TIMM17A: variants seen among roughly 807,000 people sequenced by gnomAD.
TIMM17A encodes the protein mitochondrial import inner membrane translocase subunit Tim17-A.
A neutral mutation model predicts 26.5 loss-of-function variants in TIMM17A; 15 were observed. The ratio of observed to expected loss-of-function variants is 0.57; its 90% confidence interval spans 0.38 to 0.87. TIMM17A has a LOEUF of 0.87. Among genes scored for constraint, TIMM17A ranks in the 40% least tolerant of loss-of-function variants. The pLI is 0.00. For missense variants in TIMM17A, 201 were observed against 210.0 expected (o/e 0.96, Z 0.27); for synonymous variants, 80 against 70.8 (o/e 1.13, Z -0.66).
At position 201,970,651 on chromosome 1, in the gene TIMM17A, ATACT is replaced by A. The variant is rs1189951464; in HGVS notation, c.*1100_*1103del. On this transcript the variant is annotated 3_prime_UTR_variant, in exon 6 of 6. Transcript: ENST00000367287. ...ACTGTGGTAAAATATACATAAAATA[ATACT>A]TATTAACCATTTGTAAGTGTATAAT... is the stretch of plus-strand genomic sequence containing the variant. 6.6e-6 allele frequency: 1 copy of A among 152,258 alleles called. No individual in the cohort carries two copies. The highest frequency in any genetic ancestry group is 2.4e-5 in the African/African-American group (1 of 41,460). The allele number at this position is 152,258 out of a possible 1,614,324, so 9.4% of individuals were successfully genotyped here. A position where few individuals can be genotyped will look rare whatever the true frequency, so the allele number is the denominator to read the frequency against.
At chr1:201,963,444 C>T (rs913485739) in intron 3 of TIMM17A, 172 bp from the exon 4 acceptor site, 20 of 647,308 alleles carry the variant, frequency 3.1e-5, no homozygotes, top group African/African-American at 1.3e-4. Flanking sequence ...CAGCTTTATT[C>T]GAAAGATAAG....
intron 5 of TIMM17A, among the ~76,000 whole-genome samples, chr1:201,968,627 A>G (rs889840420): frequency 2.0e-5 from 3 of 151,314 alleles, no homozygotes; most frequent in African/African-American, 7.3e-5. Flanking sequence ...GCCCGCCTCA[A>G]CCTCCCAAAG....
intron 5 of TIMM17A, 73 bp from the exon 6 acceptor site, chr1:201,969,396 C>A: frequency 8.3e-7 from 1 of 1,204,200 alleles, no homozygotes; most frequent in Non-Finnish European, 1.2e-6. Flanking sequence ...GATTTACTCT[C>A]TATAGAGATT....
Position 201,963,695 on chromosome 1 carries a change from G to T in TIMM17A, c.270G>T (p.Trp90Cys), listed in dbSNP as rs780091110. 2 of 1,611,644 alleles carry T rather than the reference G, an allele frequency of 1.2e-6. No homozygotes were observed. The highest frequency in any genetic ancestry group is 2.7e-5 in the African/African-American group (2 of 74,736). ...MVQVRGKEDP[W>C]NSITSGALTG... ...AAGTCAGAGGAAAGGAAGATCCCTGGAACTCCATCACAAGTGGTGCCTTAA... is the reference window on the plus strand; with the variant it reads ...AAGTCAGAGGAAAGGAAGATCCCTGTAACTCCATCACAAGTGGTGCCTTAA... The change falls in exon 4 of 6, where the codon TGG becomes TGT. Residue 90 changes from tryptophan to cysteine, a missense_variant. Coordinates refer to ENST00000367287, the MANE Select transcript of TIMM17A (RefSeq NM_006335.3).
chr1:201,962,670 T>C (rs1349810978), intron 3 of TIMM17A: 1 of 152,104 alleles, frequency 6.6e-6, no homozygotes, highest in African/African-American at 2.4e-5. Context: ...TTAGATAGAG[T>C]TTAAGTGCAA....
At chr1:201,964,631 A>ATTTT (rs1682590110) in intron 4 of TIMM17A, among the ~76,000 whole-genome samples, 1 of 80,244 alleles carries the variant, frequency 1.2e-5, no homozygotes, top group African/African-American at 5.8e-5. Context: ...ATTTTATTTT[A>ATTTT]TTTCTTTTTT....
intron 4 of TIMM17A, 102 bp downstream of exon 4, chr1:201,963,846 C>T: frequency 7.9e-7 from 1 of 1,268,568 alleles, no homozygotes; most frequent in Non-Finnish European, 1.1e-6. Flanking sequence ...TGATTATTGA[C>T]CAGGCACATT....
chr1:201,967,041 T>A (rs1159717657), intron 5 of TIMM17A, among the ~76,000 whole-genome samples: 1 of 123,944 alleles, frequency 8.1e-6, no homozygotes, highest in Non-Finnish European at 1.7e-5. Context: ...AGGATAGTAG[T>A]AGTGAAAATT....
chr1:201,957,618 C>G (rs1012860393), intron 3 of TIMM17A, 44 bp downstream of exon 3: 1 of 1,487,266 alleles, frequency 6.7e-7, no homozygotes, highest in East Asian at 2.3e-5. Context: ...TTTTCTGTTC[C>G]TTTGAAGATG....
intron 4 of TIMM17A, 101 bp downstream of exon 4, chr1:201,963,845 A>T: frequency 7.8e-7 from 1 of 1,287,474 alleles, no homozygotes. Flanking sequence ...CTGATTATTG[A>T]CCAGGCACAT....
intron 1 of TIMM17A, 109 bp downstream of exon 1, chr1:201,955,661 G>A (rs1682396646): frequency 6.7e-7 from 1 of 1,484,898 alleles, no homozygotes; most frequent in African/African-American, 1.4e-5. Flanking sequence ...CAGCCTCGTC[G>A]ACTTGGGCCT....
At chr1:201,966,959 TTA>T (rs1002751666) in intron 5 of TIMM17A, among the ~76,000 whole-genome samples, 1 of 143,410 alleles carries the variant, frequency 7.0e-6, no homozygotes, top group African/African-American at 2.5e-5. Context: ...ATTATATATG[TTA>T]TATATTATAT....
At chr1:201,961,126 C>T (rs963205935) in intron 3 of TIMM17A, among the ~76,000 whole-genome samples, 9 of 146,504 alleles carry the variant, frequency 6.1e-5, no homozygotes, top group Non-Finnish European at 3.0e-5. Context: ...AGTGCAATGG[C>T]GCGGTCTCGG....
At position 201,968,378 on chromosome 1, in the gene TIMM17A, T is replaced by G. The variant is rs537807788; in HGVS notation, c.431-1091T>G. 1.6e-4 allele frequency among the ~76,000 whole-genome samples: 24 copies of G among 151,842 alleles called. No homozygotes were observed. The South Asian group carries it at 4.2e-3, about 26-fold the overall frequency. ...TGGTTTTCATCGGCTTATCTTTTTTTGGGGTTTTTTTGTTTTTGTTTGTTT... is the reference window on the plus strand; with the variant it reads ...TGGTTTTCATCGGCTTATCTTTTTTGGGGGTTTTTTTGTTTTTGTTTGTTT... On this transcript the variant is annotated intron_variant, in intron 5 of 5. Coordinates refer to ENST00000367287, the MANE Select transcript of TIMM17A (RefSeq NM_006335.3).
chr1:201,968,035 C>T (rs1032154020), intron 5 of TIMM17A, among the ~76,000 whole-genome samples: 8 of 151,202 alleles, frequency 5.3e-5, no homozygotes, highest in African/African-American at 1.9e-4. Context: ...CTCGGTCTGT[C>T]GCCCAGGCTG....
rs570309464 is a variant in TIMM17A at position 201,964,635 on chromosome 1, C to CTTTTTTTTT, written c.320-775_320-767dup. On this transcript the variant is annotated intron_variant, in intron 4 of 5. Transcript: ENST00000367287. ...TTTATTTATTTATTTTATTTTATTT[C>CTTTTTTTTT]TTTTTTTTTTTTTTTTTTTTTTTTT... Among the ~76,000 whole-genome samples the CTTTTTTTTT allele has an allele frequency of 6.4e-4, 58 of 90,956 alleles. 6 individuals carry two copies. Among genetic ancestry groups the CTTTTTTTTT allele is most frequent in the African/African-American group, 1.1e-3 (21 of 19,470 alleles). The allele number at this position is 90,956 out of a possible 152,430, so 59.7% of individuals were successfully genotyped here.
intron 3 of TIMM17A, among the ~76,000 whole-genome samples, chr1:201,961,972 G>C (rs931298742): frequency 6.6e-6 from 1 of 151,870 alleles, no homozygotes; most frequent in East Asian, 1.9e-4. Flanking sequence ...TTGTTCTCGG[G>C]TGTCCAGGTG....
intron 5 of TIMM17A, 35 bp from the exon 6 acceptor site, chr1:201,969,434 G>A (rs1682693176): frequency 6.7e-7 from 1 of 1,487,904 alleles, no homozygotes; most frequent in Admixed American, 1.7e-5. Context: ...TAATATTCAG[G>A]TGATTTTTAA....
At chr1:201,960,550 G>A (rs1302317595) in intron 3 of TIMM17A, among the ~76,000 whole-genome samples, 1 of 152,170 alleles carries the variant, frequency 6.6e-6, no homozygotes, top group East Asian at 1.9e-4. Context: ...GTGGTGATAT[G>A]AGTGAATTGG....
Sources: allele counts gnomAD v4.1 joint callset (sites outside exome capture counted in the v4.1 genomes callset), GRCh38; gene constraint gnomAD v4.1.1; transcripts MANE v1.5; gene names NCBI Gene and HGNC (gene_info 2026-07-23, HGNC 2026-07-21).